Variants in RPL3L observed in about 807,000 individuals in gnomAD.
RPL3L encodes the protein ribosomal protein uL3-like.
In RPL3L, 44 loss-of-function variants were observed where a neutral mutation model predicts 44.5. The ratio of observed to expected loss-of-function variants is 0.99; its 90% CI spans 0.78 to 1.27. The LOEUF (loss-of-function observed/expected upper bound fraction) is 1.27, where lower values mean the gene tolerates loss of function less well. RPL3L is among the 50% of genes most tolerant of loss of function. The pLI is 0.00. For missense variants in RPL3L, 631 were observed against 569.1 expected (o/e 1.11, Z -1.11); for synonymous variants, 292 against 230.7 (o/e 1.27, Z -2.41).
chr16:1,947,120 G>C, intron 5 of RPL3L, 22 bp from the exon 6 acceptor site: 4 of 1,613,298 alleles, frequency 2.5e-6, no homozygotes, highest in Non-Finnish European at 2.5e-6. Flanking sequence ...AGGGGCTGGT[G>C]GCTGAGAGGC....
intron 9 of RPL3L, 74 bp from the exon 10 acceptor site, chr16:1,944,967 A>C (rs1230455044): frequency 1.9e-6 from 3 of 1,596,036 alleles, no homozygotes; most frequent in Non-Finnish European, 2.6e-6. Context: ...GCCAGGCTCT[A>C]GATCACTCAG....
At chr16:1,944,994 C>T (rs2083109908) in intron 9 of RPL3L, 101 bp from the exon 10 acceptor site, 1 of 1,443,412 alleles carries the variant, frequency 6.9e-7, no homozygotes, top group East Asian at 2.3e-5. Flanking sequence ...CCCTACTGCC[C>T]CCCTAAGGCT....
chr16:1,953,078 C>T (rs774997646), intron 2 of RPL3L, 36 bp from the exon 3 acceptor site: 1 of 1,553,776 alleles, frequency 6.4e-7, no homozygotes, highest in Non-Finnish European at 8.7e-7. Flanking sequence ...TGAAGGGGGA[C>T]CTCCTGAGGC....
chr16:1,949,388 G>A (rs1300274444), intron 4 of RPL3L, among the ~76,000 whole-genome samples: 1 of 148,376 alleles, frequency 6.7e-6, no homozygotes. Flanking sequence ...CAAGTAGCTG[G>A]GATTGCAGGC....
At chr16:1,952,446 A>G (rs534061098) in intron 3 of RPL3L, among the ~76,000 whole-genome samples, 1 of 152,078 alleles carries the variant, frequency 6.6e-6, no homozygotes, top group Non-Finnish European at 1.5e-5. Context: ...GCACGATCTC[A>G]GCTCACTGCA....
intron 9 of RPL3L, 57 bp from the exon 10 acceptor site, chr16:1,944,950 T>C: frequency 6.2e-7 from 1 of 1,607,228 alleles, no homozygotes; most frequent in South Asian, 1.1e-5. Flanking sequence ...AAACACGCCC[T>C]CCCCCAGCCA....
At chr16:1,945,747 C>T (rs2083115953) in intron 8 of RPL3L, 88 bp downstream of exon 8, 7 of 1,603,820 alleles carry the variant, frequency 4.4e-6, no homozygotes, top group Non-Finnish European at 6.0e-6. Flanking sequence ...CTGCTCCCAC[C>T]ACTCCATCCC....
In RPL3L at chr16:1,945,450, G is replaced by A. The variant is rs774703488; in HGVS notation, c.1167+49C>T. The A allele has an allele frequency of 4.4e-6, 7 of 1,578,616 alleles. 1 individual carries two copies. The South Asian group carries it at 6.8e-5, about 15-fold the overall frequency. On this transcript the variant is annotated intron_variant, in intron 9 of 9. Transcript: ENST00000268661. ...AGCTCCCTACTCGGGCAGGCTGGAT[G>A]TGGAGCTGGAGCCCCAGAGAAGAAC...
At chr16:1,954,470 A>C (rs962744377) in intron 1 of RPL3L, among the ~76,000 whole-genome samples, 159 bp downstream of exon 1, 2 of 151,858 alleles carry the variant, frequency 1.3e-5, no homozygotes, top group African/African-American at 4.8e-5. Flanking sequence ...TCCCAGGCCC[A>C]GGAGCCCAGC....
rs142842559 is a variant in RPL3L, at chr16:1,945,913, G to T, written c.969C>A (p.Tyr323Ter). 4 of 1,612,178 alleles carry T rather than the reference G, an allele frequency of 2.5e-6. No homozygotes were observed. Among genetic ancestry groups the T allele is most frequent in the Non-Finnish European group, 2.5e-6 (3 of 1,179,162 alleles). ...TGACGAAGTCGTTGTTCACTTCCCC[G>T]TAGTGGGGGAAGCCACCCTGCAGAG... ...SITPLGGFPH[Y>*]GEVNNDFVML... The change falls in exon 8 of 10, where the codon TAC becomes TAA. Residue 323 changes from tyrosine to a stop codon, truncating the protein, a stop_gained. Transcript: ENST00000268661. LOFTEE classifies it high-confidence loss of function.
intron 4 of RPL3L, among the ~76,000 whole-genome samples, chr16:1,947,792 G>T (rs999747516): frequency 3.3e-5 from 5 of 152,168 alleles, no homozygotes; most frequent in Non-Finnish European, 5.9e-5. Flanking sequence ...GCACAGGCCT[G>T]GTGGCAGAGG....
chr16:1,948,523 C>T (rs2150862937), intron 4 of RPL3L, among the ~76,000 whole-genome samples: 1 of 151,978 alleles, frequency 6.6e-6, no homozygotes, highest in East Asian at 1.9e-4. Flanking sequence ...TGCACCTGGC[C>T]TGATTTTTAT....
In RPL3L at chr16:1,952,076, G is replaced by A. The variant is rs140300569; in HGVS notation, c.365+798C>T. Among the ~76,000 whole-genome samples the A allele has an allele frequency of 3.3e-3, 496 of 151,786 alleles. 4 individuals are homozygous for A. The highest frequency in any genetic ancestry group is 0.011 in the African/African-American group (471 of 41,430). The stretch of plus-strand genomic sequence containing the variant: ...CGATTCTCCTGCCTCAGCCTCCCAA[G>A]TAGCTGGGATTACAGGTGTCTGCCA... On this transcript the variant is annotated intron_variant, in intron 3 of 9. Transcript: ENST00000268661.
At chr16:1,954,360 C>T (rs748257464) in intron 1 of RPL3L, among the ~76,000 whole-genome samples, 4 of 152,120 alleles carry the variant, frequency 2.6e-5, no homozygotes, top group Non-Finnish European at 5.9e-5. Flanking sequence ...GGCTTCCTGC[C>T]TCTGTGGGCT....
rs1162048455 is a variant in RPL3L at position 1,946,934 on chromosome 16, G to A, written c.849+4C>T. 3.1e-6 allele frequency: 5 copies of A among 1,595,836 alleles called. No homozygotes were observed. The highest frequency in any genetic ancestry group is 1.7e-5 in the Admixed American group (1 of 58,466). ...GTGTCCCCGTACCCCGGCTGAGGAC[G>A]CACCTTCTTGTTGAGCTCCGTGCGG... On this transcript the variant is annotated splice_donor_region_variant and intron_variant, in intron 6 of 9. Transcript: ENST00000268661.
chr16:1,950,842 A>C lies in RPL3L; in HGVS notation c.501+2T>G. On this transcript the variant is annotated splice_donor_variant, in intron 4 of 9. Transcript: ENST00000268661. LOFTEE classifies it high-confidence loss of function. ...ACCGACAGCGGAGGGCCGGGGGCTG[A>C]CCTGAGTGTGGACAATGACCCGAAT... 1 of 1,614,038 alleles carries C rather than the reference A, an allele frequency of 6.2e-7. No homozygotes were observed. Among genetic ancestry groups the C allele is most frequent in the Non-Finnish European group, 8.5e-7 (1 of 1,179,948 alleles).
intron 4 of RPL3L, among the ~76,000 whole-genome samples, chr16:1,947,921 C>T (rs1255422347): frequency 2.8e-5 from 4 of 144,886 alleles, no homozygotes; most frequent in Non-Finnish European, 6.0e-5. Context: ...GTGCAGGCTG[C>T]GATGTGATCT....
chr16:1,947,664 G>A (rs1264784965), intron 4 of RPL3L, among the ~76,000 whole-genome samples: 1 of 152,182 alleles, frequency 6.6e-6, no homozygotes, highest in Non-Finnish European at 1.5e-5. Flanking sequence ...TATGGGGGCT[G>A]GTGTTTCAGA....
intron 7 of RPL3L, among the ~76,000 whole-genome samples, 183 bp downstream of exon 7, chr16:1,946,442 G>C (rs2083120863): frequency 6.6e-6 from 1 of 152,270 alleles, no homozygotes; most frequent in South Asian, 2.1e-4. Context: ...CTTCTGTCCA[G>C]TGTGCCTGGC....
Sources: allele counts gnomAD v4.1 joint callset (sites outside exome capture counted in the v4.1 genomes callset), GRCh38; gene constraint gnomAD v4.1.1; transcripts MANE v1.5; gene names NCBI Gene and HGNC (gene_info 2026-07-23, HGNC 2026-07-21).